RIGI: variants seen among roughly 807,000 people sequenced by gnomAD.
RIGI encodes antiviral innate immune response receptor RIG-I.
At chr9:32,506,657 A>G in the RIGI span, among the ~76,000 whole-genome samples, 5 of 152,088 alleles carry the variant, frequency 3.3e-5, no homozygotes, top group Non-Finnish European at 7.4e-5. Context: ...GTATAATCTC[A>G]CTTGTTTTCC....
chr9:32,514,880 T>G, the RIGI span, among the ~76,000 whole-genome samples: 1 of 152,230 alleles, frequency 6.6e-6, no homozygotes, highest in Non-Finnish European at 1.5e-5. Flanking sequence ...GTTCCCATTG[T>G]TTGGAATCAC....
chr9:32,456,022 A>G, the RIGI span: 3 of 152,290 alleles, frequency 2.0e-5, no homozygotes, highest in African/African-American at 7.2e-5. Flanking sequence ...GGAAACCGCA[A>G]ACTAAGCTCT....
chr9:32,479,240 T>G, the RIGI span, among the ~76,000 whole-genome samples: 139 of 152,344 alleles, frequency 9.1e-4, no homozygotes, highest in African/African-American at 3.2e-3. Context: ...TTATTTTTAT[T>G]TATAAATTGT....
chr9:32,526,012 C>A, the RIGI span: 1 of 1,393,740 alleles, frequency 7.2e-7, no homozygotes. Flanking sequence ...AAGAGAAAAA[C>A]AAGTCCTCAA....
At chr9:32,514,582 G>A in the RIGI span, among the ~76,000 whole-genome samples, 26,836 of 152,026 alleles carry the variant, frequency 0.18, 2,790 homozygotes, top group South Asian at 0.37. Context: ...TTGGGGGCTG[G>A]GAGGATAGGG....
the RIGI span, among the ~76,000 whole-genome samples, chr9:32,458,650 G>A: frequency 1.4e-3 from 207 of 152,000 alleles, 2 homozygotes; most frequent in African/African-American, 4.8e-3. Context: ...ACTTTACTTT[G>A]GAACAATTTT....
chr9:32,506,862 T>G, the RIGI span, among the ~76,000 whole-genome samples: 1 of 152,198 alleles, frequency 6.6e-6, no homozygotes, highest in East Asian at 1.9e-4. Context: ...AATTCATAAG[T>G]GTTCATTCTT....
At chr9:32,511,751 T>C in the RIGI span, among the ~76,000 whole-genome samples, 15 of 150,010 alleles carry the variant, frequency 1.0e-4, no homozygotes, top group African/African-American at 1.7e-4. Context: ...CTGAAGGAGA[T>C]AGAGACACAG....
the RIGI span, among the ~76,000 whole-genome samples, chr9:32,517,945 T>C: frequency 6.6e-6 from 1 of 152,216 alleles, no homozygotes; most frequent in East Asian, 1.9e-4. Flanking sequence ...TTGAGTCATT[T>C]CCAATTAAGA....
chr9:32,493,942 C>A, the RIGI span: 1 of 1,573,228 alleles, frequency 6.4e-7, no homozygotes, highest in Non-Finnish European at 8.6e-7. Context: ...TCCAGAATAA[C>A]CTGAAAAAAA....
the RIGI span, among the ~76,000 whole-genome samples, chr9:32,481,837 G>A: frequency 1.3e-4 from 20 of 152,054 alleles, no homozygotes; most frequent in Non-Finnish European, 2.1e-4. Context: ...CGCCTGCCTC[G>A]GTCTCCCAAA....
the RIGI span, among the ~76,000 whole-genome samples, chr9:32,525,213 G>A: frequency 6.6e-6 from 1 of 152,126 alleles, no homozygotes; most frequent in Non-Finnish European, 1.5e-5. Flanking sequence ...GGTGCCCCCT[G>A]ACCCCTTCTT....
the RIGI span, chr9:32,480,275 T>C: frequency 4.3e-6 from 7 of 1,612,156 alleles, no homozygotes; most frequent in Non-Finnish European, 5.9e-6. Flanking sequence ...TGCTCGGACA[T>C]TGCTGAAGAA....
At chr9:32,503,008 G>A in the RIGI span, among the ~76,000 whole-genome samples, 2 of 152,042 alleles carry the variant, frequency 1.3e-5, no homozygotes, top group Non-Finnish European at 2.9e-5. Flanking sequence ...ATATATTTTG[G>A]GTAGGGGGAC....
chr9:32,467,335 C>T, the RIGI span, among the ~76,000 whole-genome samples: 1 of 151,998 alleles, frequency 6.6e-6, no homozygotes, highest in Non-Finnish European at 1.5e-5. Context: ...GATAGCTGTA[C>T]TTATGGAATT....
chr9:32,485,297 AAAAG>A, the RIGI span: 17 of 1,502,930 alleles, frequency 1.1e-5, no homozygotes, highest in Non-Finnish European at 1.4e-5. Context: ...CGTCAAAAAA[AAAAG>A]AAAAAGAAAA....
At chr9:32,469,170 T>G in the RIGI span, among the ~76,000 whole-genome samples, 4 of 152,024 alleles carry the variant, frequency 2.6e-5, no homozygotes, top group Non-Finnish European at 1.5e-5. Context: ...CCCCTACCTA[T>G]CTACACTTGG....
the RIGI span, among the ~76,000 whole-genome samples, chr9:32,506,029 C>T: frequency 6.6e-6 from 1 of 152,110 alleles, no homozygotes; most frequent in Non-Finnish European, 1.5e-5. Context: ...CCATCCTGGC[C>T]AACATGGTGA....
At chr9:32,512,524 C>G in the RIGI span, among the ~76,000 whole-genome samples, 20 of 152,256 alleles carry the variant, frequency 1.3e-4, no homozygotes, top group Non-Finnish European at 2.1e-4. Flanking sequence ...AACAGCCCTT[C>G]ATGCTAAAAA....
Sources: allele counts gnomAD v4.1 joint callset (sites outside exome capture counted in the v4.1 genomes callset), GRCh38; gene constraint gnomAD v4.1.1; transcripts MANE v1.5; gene names NCBI Gene and HGNC (gene_info 2026-07-23, HGNC 2026-07-21).